SIGLEC6: variants seen among roughly 807,000 people sequenced by gnomAD.
SIGLEC6 encodes the protein sialic acid binding Ig like lectin 6, also known as sialic acid-binding Ig-like lectin 6.
In SIGLEC6, 31 loss-of-function variants were observed where a neutral mutation model predicts 41.4. That is an observed-to-expected ratio of 0.75 (90% CI 0.56 to 1.01). The LOEUF is 1.01. SIGLEC6 is among the 50% of genes least tolerant of loss of function. The pLI is 0.00. For synonymous variants in SIGLEC6, 217 were observed against 231.0 expected (o/e 0.94, Z 0.55); for missense variants, 555 against 558.6 (o/e 0.99, Z 0.06).
intron 7 of SIGLEC6, among the ~76,000 whole-genome samples, chr19:51,522,846 A>T (rs1308428672): frequency 6.6e-6 from 1 of 152,084 alleles, no homozygotes. Flanking sequence ...GAAAACTATA[A>T]AGAACTGGGC....
chr19:51,518,371 G>A lies in SIGLEC6; in HGVS notation c.*1711C>T, dbSNP rs188768875. ...TTTGCTTTTTCTGAGTTGGAGTCTC[G>A]CTCTGTTGCCCAGGCTGGAGTGCAG... On this transcript the variant is annotated 3_prime_UTR_variant, in exon 8 of 8. Coordinates refer to ENST00000425629, the MANE Select transcript of SIGLEC6 (RefSeq NM_001245.7). 1.6e-3 allele frequency among the ~76,000 whole-genome samples: 245 copies of A among 152,178 alleles called. 1 individual carries two copies. The highest frequency in any genetic ancestry group is 4.1e-3 in the African/African-American group (169 of 41,504).
Position 51,531,488 on chromosome 19 carries a change from C to T in SIGLEC6, c.99G>A (p.Leu33=), listed in dbSNP as rs537160937. 1 of 1,613,850 alleles carries T rather than the reference C, an allele frequency of 6.2e-7. No individual in the cohort carries two copies. Among genetic ancestry groups the T allele is most frequent in the South Asian group, 1.1e-5 (1 of 91,068 alleles). The change falls in exon 2 of 8, where the codon CTG becomes CTA. Residue 33 remains leucine, a synonymous_variant. Transcript: ENST00000425629. The part of the protein sequence containing the change: ...GALAQERRFQ[L]EGPESLTVQE... ...GCACCGTCAGTGACTCTGGCCCCTC[C>T]AGCTGGAATCTCCGCTCCTGAGCCA...
chr19:51,530,608 T>C, intron 3 of SIGLEC6, 73 bp downstream of exon 3: 4 of 1,608,402 alleles, frequency 2.5e-6, no homozygotes, highest in Non-Finnish European at 3.4e-6. Context: ...GGTCCCCAAC[T>C]TTAAGCTCTG....
rs552986561 is a variant in SIGLEC6, at chr19:51,531,574, C to T, written c.67+8G>A. The T allele has an allele frequency of 3.1e-6, 5 of 1,613,926 alleles. No homozygotes were observed. In the East Asian group the frequency reaches 1.1e-4, roughly 36 times the overall value. On this transcript the variant is annotated splice_region_variant and intron_variant, in intron 1 of 7. Transcript: ENST00000425629. ...AGCCCCACGGCACCTCTCCCCTGGC[C>T]CACTCACCTGCCCACAGCAGGGGCA...
At chr19:51,529,585 C>T (rs772084321) in intron 5 of SIGLEC6, 139 bp downstream of exon 5, 99 of 1,092,434 alleles carry the variant, frequency 9.1e-5, no homozygotes, top group Non-Finnish European at 1.3e-4. Flanking sequence ...GGACTCTAAG[C>T]CTCCCAGAGG....
chr19:51,526,553 A>C (rs887127145), intron 7 of SIGLEC6, among the ~76,000 whole-genome samples: 1 of 152,234 alleles, frequency 6.6e-6, no homozygotes, highest in Admixed American at 6.5e-5. Flanking sequence ...GACTATACTC[A>C]AATGACAGCA....
chr19:51,523,211 A>C (rs1284263421), intron 7 of SIGLEC6, among the ~76,000 whole-genome samples: 2 of 152,232 alleles, frequency 1.3e-5, no homozygotes. Flanking sequence ...AAAAGCTAAT[A>C]GCAGATTAGG....
intron 7 of SIGLEC6, among the ~76,000 whole-genome samples, chr19:51,524,055 C>G (rs545515045): frequency 6.6e-6 from 1 of 151,512 alleles, no homozygotes; most frequent in South Asian, 2.1e-4. Flanking sequence ...TTAAAACTAT[C>G]AAAAAGGCAA....
In SIGLEC6 at chr19:51,530,435, A is replaced by C; in HGVS notation, c.754+2T>G. 6.2e-7 allele frequency: 1 copy of C among 1,613,842 alleles called. No individual in the cohort carries two copies. Among genetic ancestry groups the C allele is most frequent in the Admixed American group, 1.7e-5 (1 of 59,994 alleles). ...GAGAGAACAGGACTGGCTGGTTCCT[A>C]CCTGCGCTGTTTCCTTGGAAGATGC... On this transcript the variant is annotated splice_donor_variant, in intron 4 of 7. Coordinates refer to ENST00000425629, the MANE Select transcript of SIGLEC6 (RefSeq NM_001245.7). LOFTEE classifies it high-confidence loss of function.
chr19:51,522,009 A>G (rs1022809312), intron 7 of SIGLEC6, among the ~76,000 whole-genome samples: 1 of 152,244 alleles, frequency 6.6e-6, no homozygotes, highest in Non-Finnish European at 1.5e-5. Context: ...TCAAGTGGGA[A>G]TGATGTGGGT....
intron 7 of SIGLEC6, among the ~76,000 whole-genome samples, chr19:51,526,229 G>A: frequency 6.6e-6 from 1 of 152,294 alleles, no homozygotes; most frequent in South Asian, 2.1e-4. Flanking sequence ...CCACGGGGCT[G>A]TAGTGTGCAG....
chr19:51,525,191 T>C (rs1403678531), intron 7 of SIGLEC6, among the ~76,000 whole-genome samples: 2 of 152,098 alleles, frequency 1.3e-5, no homozygotes, highest in African/African-American at 2.4e-5. Context: ...CTGCTACAGC[T>C]CGCCAGAGAA....
chr19:51,522,124 A>G (rs1453859662), intron 7 of SIGLEC6, among the ~76,000 whole-genome samples: 2 of 152,262 alleles, frequency 1.3e-5, no homozygotes, highest in South Asian at 2.1e-4. Flanking sequence ...ACTAAGCTGT[A>G]TGCACAGAGT....
Position 51,531,516 on chromosome 19 carries a change from G to T in SIGLEC6, c.71C>A (p.Ala24Asp). 1.2e-6 allele frequency: 2 copies of T among 1,613,830 alleles called. No individual in the cohort carries two copies. The highest frequency in any genetic ancestry group is 2.2e-5 in the South Asian group (2 of 91,068). The change falls in exon 2 of 8, where the codon GCC (alanine) becomes GAC (aspartate). Residue 24 changes from alanine to aspartate, a missense_variant. Ala to Asp is a moderately radical substitution (Grantham distance 126, BLOSUM62 -2). Coordinates refer to ENST00000425629, the MANE Select transcript of SIGLEC6 (RefSeq NM_001245.7). ...CTGGAATCTCCGCTCCTGAGCCAGG[G>T]CCCCTATGGAGACATGAGGGTCAGC... ...PLLLPLLWAG[A>D]LAQERRFQLE... is the part of the protein sequence containing the mutation.
chr19:51,528,301 C>T (rs775269463), intron 5 of SIGLEC6, 48 bp from the exon 6 acceptor site: 6 of 1,497,488 alleles, frequency 4.0e-6, no homozygotes, highest in Non-Finnish European at 5.6e-6. Flanking sequence ...CCAGGACATC[C>T]TCCCAACAGC....
At chr19:51,527,473 T>C (rs538452290) in intron 7 of SIGLEC6, among the ~76,000 whole-genome samples, 7 of 148,476 alleles carry the variant, frequency 4.7e-5, no homozygotes, top group South Asian at 4.4e-4. Context: ...TTCCAGGAAA[T>C]ATGATAATCT....
rs777315070 is a variant in SIGLEC6 at position 51,531,318 on chromosome 19, C to A, written c.269G>T (p.Arg90Leu). Residue 90 changes from arginine (R) to leucine (L), a missense_variant, in exon 2 of 8, where the codon CGG becomes CTG. Physicochemically the swap from Arg to Leu is moderately radical, Grantham distance 102. Transcript: ENST00000425629. ...ATCCCAGAGGAGGTGGAATCGGCCC[C>A]GGGTCTCCTCCTGCACTTCTTCGTC... Reference protein sequence around the residue: ...DPDEEVQEETRGRFHLLWDPR... With the variant: ...DPDEEVQEETLGRFHLLWDPR... 1 of 1,614,182 alleles carries A rather than the reference C, an allele frequency of 6.2e-7. No homozygotes were observed. The highest frequency in any genetic ancestry group is 1.1e-5 in the South Asian group (1 of 91,088).
chr19:51,529,827 G>A lies in SIGLEC6; in HGVS notation c.909C>T (p.Val303=), dbSNP rs754225855. The A allele has an allele frequency of 4.3e-6, 7 of 1,614,044 alleles. No homozygotes were observed. In the East Asian group the frequency reaches 1.1e-4, roughly 26 times the overall value. Residue 303 remains valine, a synonymous_variant, in exon 5 of 8, where the codon GTC becomes GTT. Transcript: ENST00000425629. ...CAGACCCTACTTGAGGCAGCTCCAG[G>A]ACCCCGGTATTGGAGATGGGGGTGG... The part of the protein sequence containing the change: ...LNATPISNTG[V]LELPQVGSAE...
chr19:51,531,249 C>T lies in SIGLEC6; in HGVS notation c.338G>A (p.Arg113Lys). 6.2e-7 allele frequency: 1 copy of T among 1,614,116 alleles called. No homozygotes were observed. Among genetic ancestry groups the T allele is most frequent in the Non-Finnish European group, 8.5e-7 (1 of 1,179,988 alleles). ...AAAGAAGTATGCAGCATTGTCCCTC[C>T]TCCGGGCATCTCTGATGCTCAGGGA... The part of the protein sequence containing the change: ...NCSLSIRDAR[R>K]RDNAAYFFRL... The change falls in exon 2 of 8, where the codon AGG (arginine) becomes AAG (lysine). Residue 113 changes from arginine (R) to lysine (K), a missense_variant. Coordinates refer to ENST00000425629, the MANE Select transcript of SIGLEC6 (RefSeq NM_001245.7).
Sources: allele counts gnomAD v4.1 joint callset (sites outside exome capture counted in the v4.1 genomes callset), GRCh38; gene constraint gnomAD v4.1.1; transcripts MANE v1.5; gene names NCBI Gene and HGNC (gene_info 2026-07-23, HGNC 2026-07-21).